Variants in LRRC37A2 observed in about 807,000 individuals in gnomAD.
LRRC37A2 encodes leucine rich repeat containing 37 member A2, also known as leucine-rich repeat-containing protein 37A2.
LRRC37A2 carries 9 observed loss-of-function variants against 68.8 expected under a neutral mutation model. That is an observed-to-expected ratio of 0.13 (90% confidence interval 0.08 to 0.23). The LOEUF (loss-of-function observed/expected upper bound fraction) is 0.23, where lower values mean the gene tolerates loss of function less well. Ranked by LOEUF, LRRC37A2 falls within the 10% of genes least tolerant of loss-of-function variation. The pLI is 1.00. For missense variants in LRRC37A2, 168 were observed against 950.4 expected, an observed-to-expected ratio of 0.18 and a Z score of 10.82; for synonymous variants, 63 against 367.6, an observed-to-expected ratio of 0.17 and a Z score of 9.48.
chr17:47,008,004 A>G, the LRRC37A2 span: 1 of 152,234 alleles, frequency 6.6e-6, no homozygotes, highest in African/African-American at 2.4e-5. Context: ...TGAGGTGGTC[A>G]TTGAATGCTA....
the LRRC37A2 span, chr17:47,018,532 A>G: frequency 6.6e-7 from 1 of 1,520,458 alleles, no homozygotes; most frequent in Admixed American, 1.7e-5. Flanking sequence ...GGGTCAGGTA[A>G]TGATGTAGAA....
the LRRC37A2 span, chr17:46,851,644 C>A: frequency 1.6e-6 from 2 of 1,278,448 alleles, no homozygotes; most frequent in South Asian, 2.6e-5. This position sits in a 1 kb window ranked among gnomAD's most constrained non-coding sequence, Gnocchi z 4.3. Flanking sequence ...GCACCATGCG[C>A]CCCCCGCCCG....
chr17:46,768,133 G>A, the LRRC37A2 span, among the ~76,000 whole-genome samples: 1 of 152,156 alleles, frequency 6.6e-6, no homozygotes, highest in Non-Finnish European at 1.5e-5. This position sits in a 1 kb window ranked among gnomAD's most constrained non-coding sequence, Gnocchi z 5.0. Flanking sequence ...CCAAGTCTCT[G>A]CCCAAGGACC....
At chr17:46,835,312 C>T in the LRRC37A2 span, among the ~76,000 whole-genome samples, 31 of 152,074 alleles carry the variant, frequency 2.0e-4, no homozygotes, top group Non-Finnish European at 3.8e-4. Flanking sequence ...CCCGGGTTCA[C>T]GCCATTCTCC....
the LRRC37A2 span, among the ~76,000 whole-genome samples, chr17:46,901,771 C>T: frequency 6.6e-6 from 1 of 151,248 alleles, no homozygotes; most frequent in Non-Finnish European, 1.5e-5. Context: ...TGTCAGCTGC[C>T]TTGTACTGTC....
At chr17:46,911,404 T>C in the LRRC37A2 span, 1 of 152,156 alleles carries the variant, frequency 6.6e-6, no homozygotes, top group African/African-American at 2.4e-5. Flanking sequence ...ACTCAGATGA[T>C]CCAAGCATCC....
the LRRC37A2 span, chr17:46,937,455 C>T: frequency 1.3e-5 from 2 of 152,196 alleles, no homozygotes; most frequent in Admixed American, 1.3e-4. Flanking sequence ...ATATAATTTA[C>T]AGACAGTAAG....
At chr17:47,013,759 G>T in the LRRC37A2 span, among the ~76,000 whole-genome samples, 17 of 152,370 alleles carry the variant, frequency 1.1e-4, no homozygotes, top group East Asian at 1.5e-3. Context: ...TAGCTGTGGA[G>T]TATGACCCAG....
the LRRC37A2 span, among the ~76,000 whole-genome samples, chr17:46,739,793 G>A: frequency 2.0e-5 from 3 of 151,790 alleles, no homozygotes; most frequent in Admixed American, 2.0e-4. Context: ...CTGCCTCCCG[G>A]GTTCAAGCAA....
the LRRC37A2 span, among the ~76,000 whole-genome samples, chr17:46,496,916 G>A: frequency 7.4e-6 from 1 of 135,542 alleles, no homozygotes; most frequent in Non-Finnish European, 1.7e-5. Flanking sequence ...CTCCATCTCG[G>A]GGAAAAAAAA....
chr17:46,709,797 G>T, the LRRC37A2 span, among the ~76,000 whole-genome samples: 1 of 152,110 alleles, frequency 6.6e-6, no homozygotes, highest in Non-Finnish European at 1.5e-5. Flanking sequence ...GCCCGGCCAT[G>T]AAAATTTCTT....
At chr17:46,951,627 C>G in the LRRC37A2 span, among the ~76,000 whole-genome samples, 2 of 152,300 alleles carry the variant, frequency 1.3e-5, no homozygotes, top group East Asian at 3.9e-4. Context: ...TCCATTCTTC[C>G]GGAACTTAGC....
the LRRC37A2 span, among the ~76,000 whole-genome samples, chr17:46,823,030 TA>T: frequency 1.9e-3 from 245 of 132,374 alleles, no homozygotes; most frequent in African/African-American, 6.8e-3. Flanking sequence ...TATGTATTTA[TA>T]ATAAATATGT....
intron 6 of LRRC37A2, among the ~76,000 whole-genome samples, chr17:46,532,234 A>G (rs2053770412): frequency 1.3e-5 from 2 of 148,674 alleles, no homozygotes; most frequent in African/African-American, 2.6e-5. Context: ...AAAAACAACA[A>G]TTGTAGTGAA....
chr17:46,932,349 C>G, the LRRC37A2 span: 1 of 838,562 alleles, frequency 1.2e-6, no homozygotes, highest in African/African-American at 1.7e-5. Context: ...TTGTGCATTG[C>G]CACAGAGACT....
the LRRC37A2 span, among the ~76,000 whole-genome samples, chr17:47,010,115 G>C: frequency 6.6e-6 from 1 of 152,208 alleles, no homozygotes; most frequent in Non-Finnish European, 1.5e-5. Context: ...ATTGAAGGAA[G>C]GGGAAGGGTG....
At chr17:46,575,087 A>G in the LRRC37A2 span, among the ~76,000 whole-genome samples, 1 of 82,882 alleles carries the variant, frequency 1.2e-5, no homozygotes, top group African/African-American at 3.6e-5. Context: ...ACAGAGCGAG[A>G]CTCTATCTCA....
At chr17:46,454,192 T>A in the LRRC37A2 span, among the ~76,000 whole-genome samples, 1 of 106,328 alleles carries the variant, frequency 9.4e-6, no homozygotes, top group Admixed American at 9.4e-5. Flanking sequence ...AATGTATTTT[T>A]TTTTTAAGTA....
the LRRC37A2 span, among the ~76,000 whole-genome samples, chr17:46,997,338 T>C: frequency 6.6e-6 from 1 of 151,732 alleles, no homozygotes; most frequent in Admixed American, 6.6e-5. Flanking sequence ...AGTGATAGAG[T>C]GAGACTCTGT....
Sources: gnomAD v4.1 joint callset for allele counts (sites outside exome capture counted in the v4.1 genomes callset) on GRCh38, gnomAD v4.1.1 for gene constraint, Gnocchi (gnomAD v3.1) non-coding constraint, MANE v1.5 for transcripts, NCBI Gene and HGNC (gene_info 2026-07-23, HGNC 2026-07-21) for gene names.